The following IRGQ variants were observed in gnomAD, a reference collection of about 807,000 sequenced individuals.
The protein encoded by IRGQ is immunity-related GTPase family Q protein.
Under a neutral mutation model 10.5 loss-of-function variants are expected in IRGQ, and 5 were observed. The ratio of observed to expected loss-of-function variants is 0.48; its 90% CI spans 0.25 to 1.00. The LOEUF (loss-of-function observed/expected upper bound fraction) is 1.00. Among genes scored for constraint, IRGQ ranks in the 50% least tolerant of loss-of-function variants. The probability of loss-of-function intolerance (pLI) is 0.16; values close to 1 mark genes in which losing one functional copy is unlikely to be tolerated. For synonymous variants in IRGQ, 418 were observed against 426.0 expected (o/e 0.98, Z 0.23); for missense variants, 792 against 877.7 (o/e 0.90, Z 1.23).
chr19:43,585,619 TAGA>T lies in IRGQ; in HGVS notation c.*6404_*6406del, dbSNP rs1972986915. ...CTGAAGCAAACCACATAGTCAAACC[TAGA>T]AGGAGAGCAACAATCCAAGGGCATG... On this transcript the variant is annotated 3_prime_UTR_variant, in exon 3 of 3. Transcript: ENST00000422989. 1 of 152,146 alleles carries T rather than the reference TAGA, an allele frequency of 6.6e-6. No homozygotes were observed. Among genetic ancestry groups the T allele is most frequent in the Non-Finnish European group, 1.5e-5 (1 of 68,024 alleles). The allele number at this position is 152,146 out of a possible 1,614,324, so 9.4% of individuals were successfully genotyped here. A position where few individuals can be genotyped will look rare whatever the true frequency, so the allele number is the denominator to read the frequency against.
In IRGQ at chr19:43,592,632, C is replaced by T. The variant is rs148317528; in HGVS notation, c.1266G>A (p.Glu422=). The T allele has an allele frequency of 2.5e-6, 4 of 1,603,304 alleles. No homozygotes were observed. Among genetic ancestry groups the T allele is most frequent in the East Asian group, 4.5e-5 (2 of 44,856 alleles). Residue 422 remains glutamate, a synonymous_variant, in exon 3 of 3, where the codon GAG becomes GAA. Coordinates refer to ENST00000422989, the MANE Select transcript of IRGQ (RefSeq NM_001007561.3). ...AALSPEDETW[E]VLEEAPPPVF... is the part of the protein sequence containing the mutation. ...CTGGCGGCGGCGCCTCCTCCAGCAC[C>T]TCCCACGTCTCGTCCTCCGGGCTTA... is the stretch of plus-strand genomic sequence containing the variant.
In IRGQ at chr19:43,591,957, T is replaced by C. The variant is rs559614407; in HGVS notation, c.*69A>G. 9 of 1,492,794 alleles carry C rather than the reference T, an allele frequency of 6.0e-6. No homozygotes were observed. The South Asian group carries it at 1.2e-4, about 20-fold the overall frequency. 92.5% of individuals were successfully genotyped at this position (1,492,794 alleles called of 1,614,324 possible). On this transcript the variant is annotated 3_prime_UTR_variant, in exon 3 of 3. Transcript: ENST00000422989. ...CTGGAAGTCAAGAGTCCACATCCCC[T>C]TCAAGCACCCAGGATTAAGCCCAGG...
In IRGQ at chr19:43,593,277, C is replaced by T; in HGVS notation, c.621G>A (p.Glu207=). Residue 207 remains glutamate (E), a synonymous_variant, in exon 3 of 3, where the codon GAG becomes GAA. Transcript: ENST00000422989. The surrounding 1 kb of genome is among the most constrained non-coding windows in gnomAD (Gnocchi z 6.4). ...VREAFETGGL[E]AALSWVRSGL... is the part of the protein sequence containing the mutation. ...CTGAGCGCACCCACGACAGCGCAGC[C>T]TCAAGGCCGCCGGTCTCAAAGGCCT... The T allele has an allele frequency of 6.3e-7, 1 of 1,594,428 alleles. No individual in the cohort carries two copies. The highest frequency in any genetic ancestry group is 8.6e-7 in the Non-Finnish European group (1 of 1,169,448).
chr19:43,594,672 GA>G (rs773851921), intron 2 of IRGQ, 136 bp downstream of exon 2: 10,542 of 531,486 alleles, frequency 0.02, no homozygotes, highest in South Asian at 0.031. Flanking sequence ...TGTCTCTCAG[GA>G]AAAAAAAAAA....
rs2055209358 is a variant in IRGQ, at chr19:43,586,246, G to A, written c.*5780C>T. On this transcript the variant is annotated 3_prime_UTR_variant, in exon 3 of 3. Coordinates refer to ENST00000422989, the MANE Select transcript of IRGQ (RefSeq NM_001007561.3). ...TGGCGGCCAGTGATCTGTCTACAAG[G>A]GAGTCTTAGTCTTTTCTGCTTGGAT... is the stretch of plus-strand genomic sequence containing the variant. 6.6e-6 allele frequency: 1 copy of A among 152,080 alleles called. No homozygotes were observed. The highest frequency in any genetic ancestry group is 2.1e-4 in the South Asian group (1 of 4,822). The allele number at this position is 152,080 out of a possible 1,614,324, so 9.4% of individuals were successfully genotyped here.
rs1337785356 is a variant in IRGQ, at chr19:43,590,039, C to T, written c.*1987G>A. ...CTTTGGGAGTCTGAGTCGGGTGGAT[C>T]ACCTGAGGTCAGGAGTTCGAGACCA... On this transcript the variant is annotated 3_prime_UTR_variant, in exon 3 of 3. Transcript: ENST00000422989. The T allele has an allele frequency of 6.6e-6, 1 of 152,214 alleles. No homozygotes were observed. Among genetic ancestry groups the T allele is most frequent in the East Asian group, 1.9e-4 (1 of 5,186 alleles). 9.4% of individuals were successfully genotyped at this position (152,214 alleles called of 1,614,324 possible). A position where few individuals can be genotyped will look rare whatever the true frequency, so the allele number is the denominator to read the frequency against.
rs1392234660 is a variant in IRGQ at position 43,584,408 on chromosome 19, A to G, written c.*7618T>C. On this transcript the variant is annotated 3_prime_UTR_variant, in exon 3 of 3. Transcript: ENST00000422989. ...CATTTTATTTTCACAACTCTATGTC[A>G]TAGGCACTATTATTCACATCTCTGT... 1 of 152,202 alleles carries G rather than the reference A, an allele frequency of 6.6e-6. No homozygotes were observed. The highest frequency in any genetic ancestry group is 1.9e-4 in the East Asian group (1 of 5,202). The allele number at this position is 152,202 out of a possible 1,614,324, so 9.4% of individuals were successfully genotyped here.
Position 43,587,736 on chromosome 19 carries a change from T to C in IRGQ, c.*4290A>G, listed in dbSNP as rs568634410. 6.6e-6 allele frequency: 1 copy of C among 151,948 alleles called. No individual in the cohort carries two copies. Among genetic ancestry groups the C allele is most frequent in the Admixed American group, 6.6e-5 (1 of 15,234 alleles). The allele number at this position is 151,948 out of a possible 1,614,324, so 9.4% of individuals were successfully genotyped here. On this transcript the variant is annotated 3_prime_UTR_variant, in exon 3 of 3. Transcript: ENST00000422989. ...GCCTGGCCAACATGGCGAAACCCCATCTCTAACCAAAAATACAAAAATTAG... is the reference window on the plus strand; with the variant it reads ...GCCTGGCCAACATGGCGAAACCCCACCTCTAACCAAAAATACAAAAATTAG...
rs1370552743 is a variant in IRGQ, at chr19:43,589,606, A to C, written c.*2420T>G. The C allele has an allele frequency of 6.6e-6, 1 of 152,240 alleles. No homozygotes were observed. Among genetic ancestry groups the C allele is most frequent in the Non-Finnish European group, 1.5e-5 (1 of 68,064 alleles). The allele number at this position is 152,240 out of a possible 1,614,324, so 9.4% of individuals were successfully genotyped here. On this transcript the variant is annotated 3_prime_UTR_variant, in exon 3 of 3. Transcript: ENST00000422989. Reference sequence around the variant, plus strand: ...ATAATAATAATAATAATAAATATTTACGAAGCACCTATTGTGTCAGGCACC... The same window carrying C: ...ATAATAATAATAATAATAAATATTTCCGAAGCACCTATTGTGTCAGGCACC...
rs773197023 is a variant in IRGQ at position 43,592,729 on chromosome 19, C to T, written c.1169G>A (p.Gly390Asp). ...AGSGEGPGKA[G>D]SEGLQQVVGM... ...GACAACCTGCTGCAAACCCTCGCTG[C>T]CAGCTTTCCCAGGACCTTCCCCGCT... is the stretch of plus-strand genomic sequence containing the variant. The change falls in exon 3 of 3, where the codon GGC becomes GAC. Residue 390 changes from glycine to aspartate, a missense_variant. By Grantham distance (94) the Gly-to-Asp change is moderately conservative. Coordinates refer to ENST00000422989, the MANE Select transcript of IRGQ (RefSeq NM_001007561.3). The T allele has an allele frequency of 1.2e-6, 2 of 1,611,380 alleles. No homozygotes were observed. The highest frequency in any genetic ancestry group is 4.5e-5 in the East Asian group (2 of 44,882).
In IRGQ at chr19:43,587,946, GC is replaced by G. The variant is rs1260927028; in HGVS notation, c.*4079del. ...TAAAAAACCGATGACATGTTGAAAT[GC>G]TATTTTGGATACATTGGGTTAAGTA... On this transcript the variant is annotated 3_prime_UTR_variant, in exon 3 of 3. Transcript: ENST00000422989. 1.3e-5 allele frequency: 2 copies of G among 151,662 alleles called. No homozygotes were observed. The highest frequency in any genetic ancestry group is 4.8e-5 in the African/African-American group (2 of 41,320). The allele number at this position is 151,662 out of a possible 1,614,324, so 9.4% of individuals were successfully genotyped here. A position where few individuals can be genotyped will look rare whatever the true frequency, so the allele number is the denominator to read the frequency against.
intron 1 of IRGQ, among the ~76,000 whole-genome samples, 188 bp downstream of exon 1, chr19:43,595,794 C>T (rs988080957): frequency 6.6e-6 from 1 of 152,212 alleles, no homozygotes; most frequent in African/African-American, 2.4e-5. Context: ...GGGAGGATCG[C>T]TTGAGCCCAG....
Position 43,595,049 on chromosome 19 carries a change from C to T in IRGQ, c.290G>A (p.Gly97Glu), listed in dbSNP as rs551781583. 1 of 1,613,228 alleles carries T rather than the reference C, an allele frequency of 6.2e-7. No individual in the cohort carries two copies. The highest frequency in any genetic ancestry group is 1.7e-5 in the Admixed American group (1 of 60,004). ...GGCCAGGGCGGCCAGCGCTGCCTCT[C>T]CCAGGGCTGGAGCCAACGGTTCCCC... ...GNGEPLAPAL[G>E]EAALAALARG... The change falls in exon 2 of 3, where the codon GGA (glycine) becomes GAA (glutamate). Residue 97 changes from glycine (G) to glutamate (E), a missense_variant. Transcript: ENST00000422989.
In IRGQ at chr19:43,595,096, C is replaced by G; in HGVS notation, c.243G>C (p.Val81=). Reference sequence around the variant, plus strand: ...CCCCGTTCCCCTCGGGTCCGGGCAGCACCAGTACCAGCACGTTGGCTTCCG... The same window carrying G: ...CCCCGTTCCCCTCGGGTCCGGGCAGGACCAGTACCAGCACGTTGGCTTCCG... ...WAAEANVLVL[V]LPGPEGNGEP... is the part of the protein sequence containing the mutation. The change falls in exon 2 of 3, where the codon GTG becomes GTC. Residue 81 remains valine, a synonymous_variant. Coordinates refer to ENST00000422989, the MANE Select transcript of IRGQ (RefSeq NM_001007561.3). 3.1e-6 allele frequency: 5 copies of G among 1,609,450 alleles called. No individual in the cohort carries two copies. Among genetic ancestry groups the G allele is most frequent in the Non-Finnish European group, 4.2e-6 (5 of 1,177,820 alleles).
Position 43,593,356 on chromosome 19 carries a change from G to C in IRGQ, c.542C>G (p.Pro181Arg). ...CAACACCTCGAAGCCATCCTGCGCC[G>C]GTGGCAGGAGCCTGTGGGGACAAGA... Reference protein sequence around the residue: ...QAEALRRLLPPAQDGFEVLGA... With the variant: ...QAEALRRLLPRAQDGFEVLGA... Residue 181 changes from proline (P) to arginine (R), a missense_variant, in exon 3 of 3, where the codon CCG becomes CGG. Coordinates refer to ENST00000422989, the MANE Select transcript of IRGQ (RefSeq NM_001007561.3). The surrounding 1 kb of genome is among the most constrained non-coding windows in gnomAD (Gnocchi z 6.4). The C allele has an allele frequency of 1.3e-6, 2 of 1,513,326 alleles. No individual in the cohort carries two copies. Among genetic ancestry groups the C allele is most frequent in the Non-Finnish European group, 1.8e-6 (2 of 1,129,480 alleles). The allele number at this position is 1,513,326 out of a possible 1,614,324, so 93.7% of individuals were successfully genotyped here.
Position 43,595,380 on chromosome 19 carries a change from A to T in IRGQ, c.-2-40T>A, listed in dbSNP as rs1242217451. 5 of 1,499,598 alleles carry T rather than the reference A, an allele frequency of 3.3e-6. No homozygotes were observed. The Admixed American group carries it at 6.7e-5, about 20-fold the overall frequency. 92.9% of individuals were successfully genotyped at this position (1,499,598 alleles called of 1,614,324 possible). ...GTAGAGAAGACCTGGGTCAGGGAGC[A>T]CCTAGCCTTTTCCTTTCCTAGCCGC... is the stretch of plus-strand genomic sequence containing the variant. On this transcript the variant is annotated intron_variant, in intron 1 of 2. Transcript: ENST00000422989.
intron 2 of IRGQ, 152 bp downstream of exon 2, chr19:43,594,657 G>A (rs758932307): frequency 4.9e-5 from 28 of 566,294 alleles, no homozygotes; most frequent in Non-Finnish European, 6.1e-5. Context: ...AACATAGCGA[G>A]ACCCTGTCTC....
In IRGQ at chr19:43,585,519, T is replaced by C. The variant is rs1310595569; in HGVS notation, c.*6507A>G. 4 of 152,114 alleles carry C rather than the reference T, an allele frequency of 2.6e-5. No homozygotes were observed. Among genetic ancestry groups the C allele is most frequent in the Non-Finnish European group, 5.9e-5 (4 of 68,038 alleles). 9.4% of individuals were successfully genotyped at this position (152,114 alleles called of 1,614,324 possible). On this transcript the variant is annotated 3_prime_UTR_variant, in exon 3 of 3. Coordinates refer to ENST00000422989, the MANE Select transcript of IRGQ (RefSeq NM_001007561.3). ...CCTCCCAAAGTGCTGGGATTATAGGTGTGAGCCACCACACCCGGCCGCATA... is the reference window on the plus strand; with the variant it reads ...CCTCCCAAAGTGCTGGGATTATAGGCGTGAGCCACCACACCCGGCCGCATA...
intron 1 of IRGQ, among the ~76,000 whole-genome samples, chr19:43,595,708 C>T (rs930171024): frequency 1.1e-4 from 17 of 151,836 alleles, no homozygotes; most frequent in African/African-American, 3.6e-4. Context: ...GTAGAGTCTC[C>T]GTCTCGATAA....
Sources: allele counts gnomAD v4.1 joint callset (sites outside exome capture counted in the v4.1 genomes callset), GRCh38; gene constraint gnomAD v4.1.1; non-coding constraint Gnocchi (gnomAD v3.1); transcripts MANE v1.5; gene names NCBI Gene and HGNC (gene_info 2026-07-23, HGNC 2026-07-21).